Variants in ZFAND4 observed in about 807,000 individuals in gnomAD.
ZFAND4 encodes zinc finger AN1-type containing 4.
Under a neutral mutation model 64.4 loss-of-function variants are expected in ZFAND4, and 43 were observed. That is an observed-to-expected ratio of 0.67 (90% confidence interval 0.52 to 0.86). The LOEUF is 0.86. ZFAND4 is among the 40% of genes least tolerant of loss of function. ZFAND4 has a pLI of 0.00. For missense variants in ZFAND4, 929 were observed against 859.8 expected, an observed-to-expected ratio of 1.08 and a Z score of -1.01; for synonymous variants, 296 against 305.7, an observed-to-expected ratio of 0.97 and a Z score of 0.33.
At chr10:45,667,555 G>A (rs1245485481) in intron 1 of ZFAND4, among the ~76,000 whole-genome samples, 2 of 138,996 alleles carry the variant, frequency 1.4e-5, no homozygotes, top group Non-Finnish European at 3.0e-5. Context: ...TGTAACCTCC[G>A]CCTCCCGAGT....
intron 8 of ZFAND4, among the ~76,000 whole-genome samples, chr10:45,619,229 C>T (rs1287116889): frequency 1.3e-5 from 2 of 151,342 alleles, no homozygotes; most frequent in South Asian, 2.1e-4. Flanking sequence ...TTAGTAGAGA[C>T]GGGGTTTCAC....
intron 6 of ZFAND4, among the ~76,000 whole-genome samples, chr10:45,631,196 T>C (rs1356565923): frequency 2.7e-5 from 4 of 150,898 alleles, no homozygotes; most frequent in African/African-American, 9.8e-5. Flanking sequence ...CGGGCGCCTG[T>C]AGTCCAGCTA....
In ZFAND4 at chr10:45,639,827, G is replaced by T; in HGVS notation, c.706C>A (p.Leu236Ile). 1 of 1,610,004 alleles carries T rather than the reference G, an allele frequency of 6.2e-7. No homozygotes were observed. The highest frequency in any genetic ancestry group is 1.1e-5 in the South Asian group (1 of 90,354). ...LLKAKMKNMN[L>I]SKKPKKAVKI... ...GCCAACAGCTTCACCTTTTTGCTGA[G>T]ATTCATGTTCTTCATCTTAGCCTTC... is the stretch of plus-strand genomic sequence containing the variant. Residue 236 changes from leucine to isoleucine, a missense_variant, in exon 6 of 10, where the codon CTC (leucine) becomes ATC (isoleucine). Physicochemically the swap from Leu to Ile is conservative, Grantham distance 5. Coordinates refer to ENST00000344646, the MANE Select transcript of ZFAND4 (RefSeq NM_174890.4).
rs376389571 is a variant in ZFAND4, at chr10:45,658,262, G to A, written c.185-5203C>T. On this transcript the variant is annotated intron_variant, in intron 2 of 9. Transcript: ENST00000344646. ...AGGCAGATACACACAGACACAAGGA[G>A]ATTATCACATGAGAAGACCAGGGTG... 8.5e-5 allele frequency among the ~76,000 whole-genome samples: 13 copies of A among 152,324 alleles called. 2 individuals carry two copies. Among genetic ancestry groups the A allele is most frequent in the Admixed American group, 2.0e-4 (3 of 15,300 alleles).
chr10:45,623,589 T>C (rs1177625737), intron 8 of ZFAND4, among the ~76,000 whole-genome samples: 1 of 152,166 alleles, frequency 6.6e-6, no homozygotes, highest in Non-Finnish European at 1.5e-5. Context: ...ACATAGGTAC[T>C]TAGAGTACCT....
intron 6 of ZFAND4, among the ~76,000 whole-genome samples, chr10:45,635,449 G>A (rs112396943): frequency 3.3e-5 from 5 of 152,136 alleles, no homozygotes; most frequent in African/African-American, 1.2e-4. Context: ...AAATAATGTT[G>A]GGAAAACTGG....
chr10:45,640,874 C>G (rs1157790342), intron 5 of ZFAND4, among the ~76,000 whole-genome samples: 1 of 152,046 alleles, frequency 6.6e-6, no homozygotes, highest in East Asian at 1.9e-4. Flanking sequence ...TAGATTTTAA[C>G]AAGAAAAAAC....
Position 45,627,040 on chromosome 10 carries a change from A to G in ZFAND4, c.783T>C (p.Thr261=), listed in dbSNP as rs780627075. The G allele has an allele frequency of 3.7e-6, 6 of 1,600,470 alleles. 1 individual carries two copies. The South Asian group carries it at 6.8e-5, about 18-fold the overall frequency. The part of the protein sequence containing the change: ...PVAPRPSSGS[T]APSRHRLLRV... ...TTAACAATCGGTGGCGAGATGGTGCAGTGGAACCACTAGAAGGTCGAGGAG... is the reference window on the plus strand; with the variant it reads ...TTAACAATCGGTGGCGAGATGGTGCGGTGGAACCACTAGAAGGTCGAGGAG... Residue 261 remains threonine (T), a synonymous_variant, in exon 7 of 10, where the codon ACT becomes ACC. Transcript: ENST00000344646.
intron 4 of ZFAND4, chr10:45,648,896 T>C (rs888672976): frequency 2.1e-6 from 2 of 959,574 alleles, no homozygotes; most frequent in African/African-American, 3.5e-5. Flanking sequence ...TACTATATAC[T>C]TTCTGCTCCC....
chr10:45,623,307 T>C (rs1412924292), intron 8 of ZFAND4, among the ~76,000 whole-genome samples: 1 of 152,204 alleles, frequency 6.6e-6, no homozygotes, highest in Admixed American at 6.5e-5. Flanking sequence ...CTCAAAGACA[T>C]ATATGTGCAC....
intron 6 of ZFAND4, among the ~76,000 whole-genome samples, chr10:45,636,103 G>A (rs1306008786): frequency 1.3e-5 from 2 of 151,966 alleles, no homozygotes; most frequent in Non-Finnish European, 2.9e-5. Context: ...ACCAAGAATG[G>A]TTCATTCTAA....
At chr10:45,643,010 C>T (rs970888259) in intron 5 of ZFAND4, among the ~76,000 whole-genome samples, 7 of 148,450 alleles carry the variant, frequency 4.7e-5, no homozygotes, top group South Asian at 2.1e-4. Flanking sequence ...CTCCACCTCC[C>T]GGGTTCAAGC....
chr10:45,652,538 G>A (rs919865290), intron 3 of ZFAND4, among the ~76,000 whole-genome samples: 1 of 152,180 alleles, frequency 6.6e-6, no homozygotes, highest in Non-Finnish European at 1.5e-5. Flanking sequence ...CAGAAAGTAC[G>A]TTGGTAGTCA....
chr10:45,622,927 G>A lies in ZFAND4; in HGVS notation c.1927+1656C>T, dbSNP rs575342588. ...TTGGTTTCGGGGAAAAAAAAAACAT[G>A]AAAAGACATTTCTCCAAAGAAGATC... On this transcript the variant is annotated intron_variant, in intron 8 of 9. Transcript: ENST00000344646. Among the ~76,000 whole-genome samples, 7 of 151,774 alleles carry A rather than the reference G, an allele frequency of 4.6e-5. No individual in the cohort carries two copies. The East Asian group carries it at 1.4e-3, about 29-fold the overall frequency.
At chr10:45,637,037 T>C (rs1026335999) in intron 6 of ZFAND4, among the ~76,000 whole-genome samples, 3 of 151,758 alleles carry the variant, frequency 2.0e-5, no homozygotes, top group Admixed American at 6.6e-5. Context: ...TACCCCACTT[T>C]ACGTTATATC....
intron 8 of ZFAND4, among the ~76,000 whole-genome samples, chr10:45,621,421 TAAAAA>T (rs537785392): frequency 7.7e-6 from 1 of 129,074 alleles, no homozygotes. Flanking sequence ...GAGGGCTGGT[TAAAAA>T]AAAAAAAAAA....
In ZFAND4 at chr10:45,626,982, G is replaced by A. The variant is rs751807094; in HGVS notation, c.841C>T (p.Pro281Ser). The A allele has an allele frequency of 1.2e-6, 2 of 1,614,104 alleles. No individual in the cohort carries two copies. The highest frequency in any genetic ancestry group is 2.2e-5 in the East Asian group (1 of 44,892). ...VLPNIGQSCS[P>S]AFGNAYPPEI... ...GGCGGATATGCATTCCCAAAAGCAG[G>A]TGAACAAGATTGACCAATGTTGGGG... Residue 281 changes from proline to serine, a missense_variant, in exon 7 of 10, where the codon CCT (proline) becomes TCT (serine). Transcript: ENST00000344646.
chr10:45,641,540 G>A (rs893685689), intron 5 of ZFAND4, among the ~76,000 whole-genome samples: 2 of 152,198 alleles, frequency 1.3e-5, no homozygotes, highest in Non-Finnish European at 2.9e-5. Flanking sequence ...TTCTGAAACT[G>A]TGGGTTAATT....
intron 6 of ZFAND4, among the ~76,000 whole-genome samples, chr10:45,635,213 A>AG (rs1564580259): frequency 7.1e-6 from 1 of 141,546 alleles, no homozygotes; most frequent in Non-Finnish European, 1.5e-5. Context: ...AAAAAAAAAA[A>AG]CAAAAAAAAA....
Sources: gnomAD v4.1 joint callset for allele counts (sites outside exome capture counted in the v4.1 genomes callset) on GRCh38, gnomAD v4.1.1 for gene constraint, MANE v1.5 for transcripts, NCBI Gene and HGNC (gene_info 2026-07-23, HGNC 2026-07-21) for gene names.